The following CLEC16A variants were observed in gnomAD, a reference collection of about 807,000 sequenced individuals.
The protein encoded by CLEC16A is protein CLEC16A.
A neutral mutation model predicts 109.5 loss-of-function variants in CLEC16A; 51 were observed. The ratio of observed to expected loss-of-function variants is 0.47; its 90% CI spans 0.37 to 0.59. CLEC16A has a LOEUF of 0.59. CLEC16A is among the 20% of genes least tolerant of loss of function. The pLI is 0.00. For missense variants in CLEC16A, 1,339 were observed against 1,394.0 expected (o/e 0.96, Z 0.63); for synonymous variants, 673 against 564.2 (o/e 1.19, Z -2.73).
chr16:10,950,615 A>T (rs954909391), intron 1 of CLEC16A, among the ~76,000 whole-genome samples: 9 of 152,028 alleles, frequency 5.9e-5, no homozygotes, highest in Non-Finnish European at 8.8e-5. Flanking sequence ...GCCTGATTCC[A>T]CCCTCCGTGA....
chr16:10,958,942 T>G (rs1243952175), intron 2 of CLEC16A, among the ~76,000 whole-genome samples: 1 of 151,630 alleles, frequency 6.6e-6, no homozygotes, highest in Non-Finnish European at 1.5e-5. Flanking sequence ...GTGAACTACC[T>G]CCCTAATAGA....
chr16:11,156,831 C>G (rs2054542955), intron 22 of CLEC16A: 1 of 480,602 alleles, frequency 2.1e-6, no homozygotes, highest in Non-Finnish European at 3.8e-6. Flanking sequence ...ACCTGTGTCC[C>G]CCATGTGCCA....
rs781243540 is a variant in CLEC16A, at chr16:11,178,499, A to G, written c.2971A>G (p.Ile991Val). 6.8e-6 allele frequency: 11 copies of G among 1,613,224 alleles called. No homozygotes were observed. In the South Asian group the frequency reaches 9.9e-5, roughly 14 times the overall value. The change falls in exon 24 of 24, where the codon ATT (isoleucine) becomes GTT (valine). Residue 991 changes from isoleucine to valine, a missense_variant. Ile to Val is a conservative substitution (Grantham distance 29). This residue lies in a region of CLEC16A where 1,061 missense variants were observed against 1,006.8 expected (regional missense o/e 1.05). Coordinates refer to ENST00000409790, the MANE Select transcript of CLEC16A (RefSeq NM_015226.3). This position sits in a 1 kb window ranked among gnomAD's most constrained non-coding sequence, Gnocchi z 6.5. ...PSLVPARQPTISLLCEDTADT... is the reference protein window; with the variant it reads ...PSLVPARQPTVSLLCEDTADT... ...CCTCGTCCCTGCCCGGCAGCCCACC[A>G]TTTCCCTGCTCTGCGAGGACACGGC...
At chr16:11,067,827 T>C (rs1240034284) in intron 19 of CLEC16A, among the ~76,000 whole-genome samples, 4 of 152,146 alleles carry the variant, frequency 2.6e-5, no homozygotes, top group Non-Finnish European at 4.4e-5. Context: ...CAGAGACTTG[T>C]CTTGAATGCT....
chr16:11,155,970 A>G (rs953319120), intron 22 of CLEC16A, among the ~76,000 whole-genome samples: 2 of 152,182 alleles, frequency 1.3e-5, no homozygotes, highest in African/African-American at 4.8e-5. Context: ...GGAGCAGGCC[A>G]AACATGTCAG....
At chr16:11,117,794 C>T (rs1187221363) in intron 19 of CLEC16A, among the ~76,000 whole-genome samples, 2 of 152,086 alleles carry the variant, frequency 1.3e-5, no homozygotes, top group African/African-American at 4.8e-5. Flanking sequence ...TCAAATAGTT[C>T]TCCTGTTTGG....
At chr16:11,109,107 T>G (rs2051402026) in intron 19 of CLEC16A, among the ~76,000 whole-genome samples, 2 of 43,672 alleles carry the variant, frequency 4.6e-5, no homozygotes, top group African/African-American at 2.7e-4. Flanking sequence ...TGAGACTGTC[T>G]CAAAAAAAAA....
intron 16 of CLEC16A, among the ~76,000 whole-genome samples, chr16:11,046,471 G>GGTGT (rs148342149): frequency 1.3e-5 from 2 of 150,792 alleles, no homozygotes; most frequent in African/African-American, 2.4e-5. Context: ...CCAAGTGTGG[G>GGTGT]GTGTGTGTGT....
intron 18 of CLEC16A, among the ~76,000 whole-genome samples, chr16:11,056,348 G>A (rs1426351713): frequency 6.6e-6 from 1 of 152,190 alleles, no homozygotes; most frequent in Non-Finnish European, 1.5e-5. Context: ...CAAGCCCAGG[G>A]CCTGGCAGAC....
intron 1 of CLEC16A, among the ~76,000 whole-genome samples, chr16:10,946,973 C>T (rs1290663954): frequency 1.3e-5 from 2 of 152,244 alleles, no homozygotes; most frequent in East Asian, 1.9e-4. Context: ...TGTTTGAGAA[C>T]ACTTTTGACT....
chr16:11,120,571 C>G (rs1174351238), intron 19 of CLEC16A, 44 bp from the exon 20 acceptor site: 1 of 1,563,194 alleles, frequency 6.4e-7, no homozygotes, highest in Non-Finnish European at 8.7e-7. Flanking sequence ...TCACCCTGGG[C>G]AGCCAGACTG....
chr16:11,005,855 T>C (rs1171909341), intron 11 of CLEC16A, among the ~76,000 whole-genome samples: 2 of 152,214 alleles, frequency 1.3e-5, no homozygotes, highest in African/African-American at 2.4e-5. Flanking sequence ...CTCGCAGTCA[T>C]GTCTCAGCAT....
chr16:11,138,028 TG>T (rs1006049292), intron 22 of CLEC16A, among the ~76,000 whole-genome samples: 2 of 152,162 alleles, frequency 1.3e-5, no homozygotes, highest in Non-Finnish European at 2.9e-5. Flanking sequence ...CGGCAGCTCC[TG>T]GGGGCCAGGG....
chr16:11,088,998 C>T (rs1367470896), intron 19 of CLEC16A, among the ~76,000 whole-genome samples: 3 of 152,190 alleles, frequency 2.0e-5, no homozygotes, highest in Admixed American at 2.0e-4. Context: ...CCCCCTTTCC[C>T]CCCAGGCCAC....
intron 22 of CLEC16A, among the ~76,000 whole-genome samples, chr16:11,130,475 T>G (rs996484140): frequency 6.6e-6 from 1 of 152,220 alleles, no homozygotes; most frequent in African/African-American, 2.4e-5. Context: ...CCAAGGACCA[T>G]GTACCCAGGT....
At chr16:11,106,116 A>G (rs2051203871) in intron 19 of CLEC16A, among the ~76,000 whole-genome samples, 1 of 152,234 alleles carries the variant, frequency 6.6e-6, no homozygotes, top group African/African-American at 2.4e-5. Flanking sequence ...CTGACCAGTC[A>G]CCTTGTGTCA....
intron 22 of CLEC16A, among the ~76,000 whole-genome samples, chr16:11,131,938 C>G (rs377364319): frequency 6.6e-6 from 1 of 152,232 alleles, no homozygotes; most frequent in Non-Finnish European, 1.5e-5. Flanking sequence ...TTTCGTGCTT[C>G]CCTCCGCCTG....
intron 19 of CLEC16A, among the ~76,000 whole-genome samples, chr16:11,084,026 G>C (rs764901911): frequency 2.6e-5 from 4 of 152,120 alleles, no homozygotes; most frequent in African/African-American, 9.7e-5. Context: ...AGCCCAAGCC[G>C]TATGGGCCCC....
intron 8 of CLEC16A, 108 bp downstream of exon 8, chr16:10,977,507 T>G (rs575535296): frequency 6.0e-6 from 6 of 1,003,782 alleles, no homozygotes; most frequent in Middle Eastern, 2.9e-4. Context: ...GGACTGAGGT[T>G]TTTTTTTTGT....
Sources: allele counts gnomAD v4.1 joint callset (sites outside exome capture counted in the v4.1 genomes callset), GRCh38; gene constraint gnomAD v4.1.1; regional missense constraint gnomAD v4.1.1; non-coding constraint Gnocchi (gnomAD v3.1); transcripts MANE v1.5; gene names NCBI Gene and HGNC (gene_info 2026-07-23, HGNC 2026-07-21).